Variants in GUCY1A2 observed in about 807,000 individuals in gnomAD.
GUCY1A2 encodes guanylate cyclase soluble subunit alpha-2.
A neutral mutation model predicts 63.5 loss-of-function variants in GUCY1A2; 27 were observed. The observed-to-expected ratio is 0.43, with a 90% CI of 0.31 to 0.59. The LOEUF is 0.59. Among genes scored for constraint, GUCY1A2 ranks in the 20% least tolerant of loss-of-function variants. The pLI, the probability that GUCY1A2 is intolerant of heterozygous loss-of-function variation, is 0.11. For missense variants in GUCY1A2, 768 were observed against 913.3 expected (o/e 0.84, Z 2.05); for synonymous variants, 364 against 343.5 (o/e 1.06, Z -0.66).
intron 4 of GUCY1A2, among the ~76,000 whole-genome samples, chr11:106,867,595 A>G (rs1031456749): frequency 2.0e-5 from 3 of 152,104 alleles, no homozygotes; most frequent in Non-Finnish European, 4.4e-5. Context: ...CATATTTAAT[A>G]TAAGATGAAA....
chr11:106,882,927 C>G (rs548319089), intron 4 of GUCY1A2, among the ~76,000 whole-genome samples: 6 of 152,004 alleles, frequency 3.9e-5, no homozygotes, highest in African/African-American at 1.4e-4. Flanking sequence ...ATTCCTCATC[C>G]CATCATTCAG....
intron 6 of GUCY1A2, among the ~76,000 whole-genome samples, chr11:106,728,249 G>A (rs769537463): frequency 6.6e-6 from 1 of 151,868 alleles, no homozygotes; most frequent in African/African-American, 2.4e-5. Flanking sequence ...TTCAACACTC[G>A]TGTCATACAA....
chr11:106,761,734 G>A (rs1331390394), intron 6 of GUCY1A2, among the ~76,000 whole-genome samples: 3 of 152,254 alleles, frequency 2.0e-5, no homozygotes, highest in African/African-American at 7.2e-5. Flanking sequence ...ATGATTGTTT[G>A]TGGCTGATAC....
intron 4 of GUCY1A2, among the ~76,000 whole-genome samples, chr11:106,897,211 GGA>G (rs926859804): frequency 2.0e-5 from 3 of 152,044 alleles, no homozygotes; most frequent in Non-Finnish European, 4.4e-5. Flanking sequence ...CTACATAAGT[GGA>G]GAGAGAGTCT....
chr11:106,974,646 T>C (rs1474958983), intron 3 of GUCY1A2, among the ~76,000 whole-genome samples: 2 of 152,092 alleles, frequency 1.3e-5, no homozygotes, highest in African/African-American at 2.4e-5. Flanking sequence ...CCAAAGGTCA[T>C]TTCCTCTATC....
intron 4 of GUCY1A2, among the ~76,000 whole-genome samples, chr11:106,851,702 G>C (rs1042573922): frequency 6.6e-6 from 1 of 151,862 alleles, no homozygotes; most frequent in African/African-American, 2.4e-5. Context: ...ATTGATCTAT[G>C]TGTCTGTTTT....
At chr11:106,866,243 A>AT (rs796947282) in intron 4 of GUCY1A2, among the ~76,000 whole-genome samples, 1 of 151,780 alleles carries the variant, frequency 6.6e-6, no homozygotes, top group African/African-American at 2.4e-5. Flanking sequence ...AAGTTCTTGA[A>AT]TTAAAAAAAA....
intron 5 of GUCY1A2, among the ~76,000 whole-genome samples, chr11:106,786,329 G>C (rs1261071081): frequency 2.0e-5 from 3 of 152,090 alleles, no homozygotes; most frequent in African/African-American, 4.8e-5. Flanking sequence ...CCCAAATACG[G>C]CTGCTTTTAA....
chr11:106,788,215 T>C (rs1477171994), intron 5 of GUCY1A2, among the ~76,000 whole-genome samples: 1 of 150,954 alleles, frequency 6.6e-6, no homozygotes, highest in East Asian at 2.0e-4. Context: ...CTTTTGTCCA[T>C]TTTAAAATCA....
chr11:106,787,298 C>T (rs1864572915), intron 5 of GUCY1A2, among the ~76,000 whole-genome samples: 1 of 151,514 alleles, frequency 6.6e-6, no homozygotes, highest in South Asian at 2.1e-4. Context: ...TTCGCCATGA[C>T]CACCCTACTA....
intron 7 of GUCY1A2, among the ~76,000 whole-genome samples, chr11:106,706,613 G>A (rs1359952539): frequency 2.8e-5 from 4 of 145,290 alleles, no homozygotes; most frequent in African/African-American, 1.0e-4. Flanking sequence ...TAAGCAACAG[G>A]GCATGAACTC....
At chr11:106,819,697 T>C (rs1858876223) in intron 4 of GUCY1A2, among the ~76,000 whole-genome samples, 1 of 152,184 alleles carries the variant, frequency 6.6e-6, no homozygotes, top group Non-Finnish European at 1.5e-5. Context: ...GCAAAAAATA[T>C]TGTGTGATTT....
chr11:106,927,372 CA>C (rs907296650), intron 4 of GUCY1A2, among the ~76,000 whole-genome samples: 26 of 141,358 alleles, frequency 1.8e-4, no homozygotes, highest in African/African-American at 5.5e-4. Context: ...GACTCCGTCT[CA>C]AAAAAAAAAT....
intron 4 of GUCY1A2, among the ~76,000 whole-genome samples, chr11:106,855,145 A>G (rs988973693): frequency 4.0e-5 from 6 of 151,810 alleles, no homozygotes; most frequent in Non-Finnish European, 5.9e-5. Context: ...AGTGAGTGGG[A>G]GCCAGTGTGA....
At chr11:106,893,355 A>C (rs1001568423) in intron 4 of GUCY1A2, among the ~76,000 whole-genome samples, 1 of 152,214 alleles carries the variant, frequency 6.6e-6, no homozygotes, top group African/African-American at 2.4e-5. Flanking sequence ...ACAAAATTTC[A>C]TGGAAGGAAA....
At chr11:106,742,538 G>A (rs1863712927) in intron 6 of GUCY1A2, among the ~76,000 whole-genome samples, 1 of 152,176 alleles carries the variant, frequency 6.6e-6, no homozygotes, top group Non-Finnish European at 1.5e-5. Context: ...CTTTATGGCT[G>A]CATAGTATTC....
At chr11:107,006,256 G>T (rs1336196524) in intron 1 of GUCY1A2, among the ~76,000 whole-genome samples, 1 of 152,198 alleles carries the variant, frequency 6.6e-6, no homozygotes, top group Non-Finnish European at 1.5e-5. Flanking sequence ...AGGAAGTCAT[G>T]AGTAATAGTA....
intron 5 of GUCY1A2, among the ~76,000 whole-genome samples, chr11:106,781,502 C>A (rs1157458266): frequency 6.6e-6 from 1 of 152,150 alleles, no homozygotes; most frequent in Non-Finnish European, 1.5e-5. Context: ...GAATCAAAAT[C>A]TTTACATTAT....
intron 4 of GUCY1A2, among the ~76,000 whole-genome samples, chr11:106,874,121 T>C (rs1859717243): frequency 6.6e-6 from 1 of 152,194 alleles, no homozygotes. Context: ...ATTTTGATCT[T>C]ATTTATCTTT....
Sources: gnomAD v4.1 joint callset for allele counts (sites outside exome capture counted in the v4.1 genomes callset) on GRCh38, gnomAD v4.1.1 for gene constraint, MANE v1.5 for transcripts, NCBI Gene and HGNC (gene_info 2026-07-23, HGNC 2026-07-21) for gene names.